TLE5: variants seen among roughly 807,000 people sequenced by gnomAD.
The protein encoded by TLE5 is TLE family member 5, transcriptional modulator.
TLE5 carries 7 observed loss-of-function variants against 25.8 expected under a neutral mutation model. That is an observed-to-expected ratio of 0.27 (90% confidence interval 0.15 to 0.51). The LOEUF (loss-of-function observed/expected upper bound fraction) is 0.51, where lower values mean the gene tolerates loss of function less well. Among genes scored for constraint, TLE5 ranks in the 20% least tolerant of loss-of-function variants. The pLI, the probability that TLE5 is intolerant of heterozygous loss-of-function variation, is 0.97. For synonymous variants in TLE5, 132 were observed against 110.5 expected (o/e 1.20, Z -1.22); for missense variants, 149 against 250.7 (o/e 0.59, Z 2.74).
chr19:3,055,759 TG>T, intron 4 of TLE5, 33 bp from the exon 5 acceptor site: 1 of 1,575,034 alleles, frequency 6.3e-7, no homozygotes, highest in Non-Finnish European at 8.6e-7. Flanking sequence ...GCTTCAGTCC[TG>T]GGCGGGTGGC....
chr19:3,054,087 C>CGGGGGGGGGGGGGG, intron 6 of TLE5, 33 bp downstream of exon 6: 5 of 1,476,412 alleles, frequency 3.4e-6, no homozygotes, highest in Non-Finnish European at 4.6e-6. Flanking sequence ...GCCCACCTGT[C>CGGGGGGGGGGGGGG]CCCCGCCCAC....
chr19:3,062,882 C>A, upstream of TLE5: 2 of 1,371,186 alleles, frequency 1.5e-6, no homozygotes, highest in Non-Finnish European at 2.0e-6. Context: ...TGCAGAAAGG[C>A]AGCGGTAATG....
At chr19:3,059,367 C>T (rs948299252) in intron 2 of TLE5, among the ~76,000 whole-genome samples, 6 of 152,040 alleles carry the variant, frequency 3.9e-5, no homozygotes, top group South Asian at 4.2e-4. Flanking sequence ...ACCGAAAATA[C>T]AAAAATTAGC....
At chr19:3,061,888 G>GGC (rs1305336315) in intron 1 of TLE5, among the ~76,000 whole-genome samples, 9 of 25,912 alleles carry the variant, frequency 3.5e-4, no homozygotes, top group Admixed American at 2.7e-3. Context: ...CGGCGGGTTG[G>GGC]GGGGGGGGGG....
intron 2 of TLE5, among the ~76,000 whole-genome samples, 193 bp from the exon 3 acceptor site, chr19:3,057,935 C>T (rs1465848864): frequency 6.6e-6 from 1 of 151,984 alleles, no homozygotes; most frequent in Admixed American, 6.6e-5. Flanking sequence ...CCAGGCTGGT[C>T]TCAAAAACTC....
chr19:3,056,741 C>T, intron 3 of TLE5: 1 of 365,010 alleles, frequency 2.7e-6, no homozygotes, highest in Admixed American at 3.4e-5. Flanking sequence ...AGTTTGCCTG[C>T]CTAGGTATAA....
At chr19:3,057,876 C>T (rs1322574711) in intron 2 of TLE5, 134 bp from the exon 3 acceptor site, 5 of 776,666 alleles carry the variant, frequency 6.4e-6, no homozygotes, top group Non-Finnish European at 1.1e-5. Context: ...CTCAGAGGGT[C>T]AAGCAATAAT....
chr19:3,061,097 G>T, intron 2 of TLE5, 63 bp downstream of exon 2: 1 of 1,275,394 alleles, frequency 7.8e-7, no homozygotes, highest in Non-Finnish European at 1.1e-6. Flanking sequence ...CTTGCCATCT[G>T]CGCAGAAGAA....
At position 3,061,174 on chromosome 19, in the gene TLE5, T is replaced by C. The variant is rs1235848685; in HGVS notation, c.111A>G (p.Gln37=). Residue 37 remains glutamine, a synonymous_variant, in exon 2 of 7, where the codon CAA becomes CAG. Coordinates refer to ENST00000327141, the MANE Select transcript of TLE5 (RefSeq NM_001130.6). ...CCCCAGCTCACCTGTGGTACTGAGC[T>C]TGCAGTAGCTGAAATTCGTCTTTGA... The part of the protein sequence containing the change: ...DRIKDEFQLL[Q]AQYHSLKLEC... 1.9e-6 allele frequency: 3 copies of C among 1,613,192 alleles called. No homozygotes were observed. The highest frequency in any genetic ancestry group is 2.7e-5 in the African/African-American group (2 of 74,908).
At chr19:3,056,545 C>A (rs1046659610) in intron 3 of TLE5, 189 bp from the exon 4 acceptor site, 5 of 620,496 alleles carry the variant, frequency 8.1e-6, no homozygotes, top group African/African-American at 1.9e-5. Flanking sequence ...CACCCAGCAT[C>A]CCAGCCCGCC....
Position 3,053,774 on chromosome 19 carries a change from T to A in TLE5, c.*45A>T, listed in dbSNP as rs755690902. 2.5e-6 allele frequency: 4 copies of A among 1,579,016 alleles called. No homozygotes were observed. The African/African-American group carries it at 5.4e-5, about 21-fold the overall frequency. ...ACATTCCTTTCTCTCCGTGCCTCTG[T>A]CTCCCCTCTGTCCCCCCTCCCAACC... On this transcript the variant is annotated 3_prime_UTR_variant, in exon 7 of 7. Transcript: ENST00000327141.
chr19:3,062,077 G>T (rs1226660135), intron 1 of TLE5, 97 bp downstream of exon 1: 4 of 547,718 alleles, frequency 7.3e-6, no homozygotes, highest in African/African-American at 2.2e-5. Flanking sequence ...GGAGGCACCG[G>T]GCCTGGGGGT....
chr19:3,057,813 C>A, intron 2 of TLE5, 71 bp from the exon 3 acceptor site: 1 of 1,445,864 alleles, frequency 6.9e-7, no homozygotes, highest in Non-Finnish European at 9.6e-7. Flanking sequence ...CTCCGTTATC[C>A]AGGGGAGGAA....
At chr19:3,054,086 T>TCGGGGG in intron 6 of TLE5, 34 bp downstream of exon 6, 1 of 1,512,800 alleles carries the variant, frequency 6.6e-7, no homozygotes, top group Non-Finnish European at 8.9e-7. Context: ...GGCCCACCTG[T>TCGGGGG]CCCCCGCCCA....
At chr19:3,054,086 T>TCCGGGGGGGGGGGCCCCCC in intron 6 of TLE5, 34 bp downstream of exon 6, 1 of 1,512,812 alleles carries the variant, frequency 6.6e-7, no homozygotes, top group Non-Finnish European at 8.9e-7. Context: ...GGCCCACCTG[T>TCCGGGGGGGGGGGCCCCCC]CCCCCGCCCA....
intron 5 of TLE5, 90 bp from the exon 6 acceptor site, chr19:3,054,284 C>T: frequency 7.8e-7 from 1 of 1,289,368 alleles, no homozygotes; most frequent in Non-Finnish European, 1.1e-6. Context: ...GGAGGAGCCC[C>T]ACTACCAAGT....
In TLE5 at chr19:3,053,598, A is replaced by G; in HGVS notation, c.*221T>C. 2 of 600,534 alleles carry G rather than the reference A, an allele frequency of 3.3e-6. No homozygotes were observed. Among genetic ancestry groups the G allele is most frequent in the Non-Finnish European group, 5.9e-6 (2 of 339,862 alleles). 37.2% of individuals were successfully genotyped at this position (600,534 alleles called of 1,614,324 possible). A position where few individuals can be genotyped will look rare whatever the true frequency, so the allele number is the denominator to read the frequency against. On this transcript the variant is annotated 3_prime_UTR_variant, in exon 7 of 7. Coordinates refer to ENST00000327141, the MANE Select transcript of TLE5 (RefSeq NM_001130.6). Reference sequence around the variant, plus strand: ...ACATGTCAGGGCAGGTATCCACCTAACCAGGCTGCAGGGGAGGAGGAGGGA... The same window carrying G: ...ACATGTCAGGGCAGGTATCCACCTAGCCAGGCTGCAGGGGAGGAGGAGGGA...
chr19:3,053,867 C>G lies in TLE5; in HGVS notation c.546G>C (p.Gly182=). The G allele has an allele frequency of 6.2e-7, 1 of 1,613,378 alleles. No homozygotes were observed. The highest frequency in any genetic ancestry group is 8.5e-7 in the Non-Finnish European group (1 of 1,180,018). ...QAHLSKEDKN[G]HDGDTHQEDD... is the part of the protein sequence containing the mutation. ...CCTCCTGGTGGGTGTCACCATCGTG[C>G]CCGTTCTTGTCTTCCTTGGAGAGGT... The change falls in exon 7 of 7, where the codon GGG becomes GGC. Residue 182 remains glycine (G), a synonymous_variant. Coordinates refer to ENST00000327141, the MANE Select transcript of TLE5 (RefSeq NM_001130.6).
At chr19:3,057,438 A>ACCTGGCAGGG in intron 3 of TLE5, 2 of 538,410 alleles carry the variant, frequency 3.7e-6, no homozygotes, top group Non-Finnish European at 6.7e-6. Flanking sequence ...CAGCCGGGGG[A>ACCTGGCAGGG]CCTGGCAGGG....
Sources: gnomAD v4.1 joint callset for allele counts (sites outside exome capture counted in the v4.1 genomes callset) on GRCh38, gnomAD v4.1.1 for gene constraint, MANE v1.5 for transcripts, NCBI Gene and HGNC (gene_info 2026-07-23, HGNC 2026-07-21) for gene names.